RGPD3: variants seen among roughly 807,000 people sequenced by gnomAD.
RGPD3 encodes the protein RANBP2 like and GRIP domain containing 3.
RGPD3 carries 62 observed loss-of-function variants against 154.5 expected under a neutral mutation model. The ratio of observed to expected loss-of-function variants is 0.40; its 90% CI spans 0.33 to 0.50. RGPD3 has a LOEUF of 0.50. Among genes scored for constraint, RGPD3 ranks in the 20% least tolerant of loss-of-function variants. The pLI is 0.59. For missense variants in RGPD3, 919 were observed against 1,716.8 expected (o/e 0.54, Z 8.21); for synonymous variants, 308 against 607.0 (o/e 0.51, Z 7.24).
intron 9 of RGPD3, among the ~76,000 whole-genome samples, chr2:106,438,667 C>T (rs545533475): frequency 5.3e-4 from 81 of 151,812 alleles, no homozygotes; most frequent in Non-Finnish European, 1.0e-3. Flanking sequence ...TTTGTAATCC[C>T]GCTACTTGGG....
At chr2:106,460,337 A>G (rs182230807) in intron 1 of RGPD3, among the ~76,000 whole-genome samples, 85 of 151,994 alleles carry the variant, frequency 5.6e-4, no homozygotes, top group African/African-American at 2.0e-3. Context: ...CATGTGTAAA[A>G]GCCTCTATGG....
At chr2:106,446,264 T>TTA (rs1677922967) in intron 7 of RGPD3, among the ~76,000 whole-genome samples, 1 of 73,408 alleles carries the variant, frequency 1.4e-5, no homozygotes, top group Admixed American at 1.6e-4. Flanking sequence ...GCAGGCTCAT[T>TTA]AAAAAAAAAA....
intron 1 of RGPD3, among the ~76,000 whole-genome samples, chr2:106,462,919 G>A (rs1168849701): frequency 6.7e-6 from 1 of 149,492 alleles, no homozygotes; most frequent in Non-Finnish European, 1.5e-5. Flanking sequence ...TGGAACATAA[G>A]GGTAAGGAAA....
At chr2:106,446,283 A>G (rs1157780283) in intron 7 of RGPD3, among the ~76,000 whole-genome samples, 9 of 145,048 alleles carry the variant, frequency 6.2e-5, no homozygotes, top group Admixed American at 6.2e-4. Flanking sequence ...AAAAAAAAAA[A>G]AGGCTGGGCA....
rs537771180 is a variant in RGPD3, at chr2:106,413,351, C to T, written c.5065-66G>A. 1.4e-4 allele frequency: 223 copies of T among 1,591,718 alleles called. 1 individual carries two copies. In the African/African-American group the frequency reaches 2.6e-3, roughly 18 times the overall value. On this transcript the variant is annotated intron_variant, in intron 21 of 22. Transcript: ENST00000409886. ...TTCTGATTAAATATGGCAGACTGAACTCATGTATTTTTCTTCTCTTCCCCC... is the reference window on the plus strand; with the variant it reads ...TTCTGATTAAATATGGCAGACTGAATTCATGTATTTTTCTTCTCTTCCCCC...
chr2:106,450,786 G>C (rs1339518910), intron 6 of RGPD3, among the ~76,000 whole-genome samples: 1 of 116,294 alleles, frequency 8.6e-6, no homozygotes, highest in African/African-American at 3.3e-5. Context: ...TCAGGAGGCA[G>C]AGACAAGAGA....
At chr2:106,418,423 C>T (rs1676878372) in intron 20 of RGPD3, among the ~76,000 whole-genome samples, 1 of 151,816 alleles carries the variant, frequency 6.6e-6, no homozygotes, top group African/African-American at 2.4e-5. Context: ...TCCTCAATCA[C>T]TGCCCTTATA....
Position 106,436,190 on chromosome 2 carries a change from C to T in RGPD3, c.1691G>A (p.Arg564Lys), listed in dbSNP as rs1313170590. The T allele has an allele frequency of 1.2e-5, 20 of 1,611,800 alleles. No homozygotes were observed. The highest frequency in any genetic ancestry group is 6.7e-5 in the East Asian group (3 of 44,846). The stretch of plus-strand genomic sequence containing the variant: ...TTGAAGGCCATGTTTTTCCTGGGCT[C>T]TTAGAGTGTTTATTTCATGCTGAAC... Reference protein sequence around the residue: ...LLVQHEINTLRAQEKHGLQPA... With the variant: ...LLVQHEINTLKAQEKHGLQPA... The change falls in exon 12 of 23, where the codon AGA (arginine) becomes AAA (lysine). Residue 564 changes from arginine (R) to lysine (K), a missense_variant. By Grantham distance (26) the Arg-to-Lys change is conservative (BLOSUM62 2). Coordinates refer to ENST00000409886, the MANE Select transcript of RGPD3 (RefSeq NM_001144013.2).
At chr2:106,428,956 A>C (rs1021100009) in intron 18 of RGPD3, among the ~76,000 whole-genome samples, 2 of 151,294 alleles carry the variant, frequency 1.3e-5, no homozygotes, top group African/African-American at 2.4e-5. Flanking sequence ...GTAATTAAAT[A>C]AAATTACATT....
Position 106,404,540 on chromosome 2 carries a change from A to T in RGPD3, c.*679T>A. On this transcript the variant is annotated 3_prime_UTR_variant, in exon 23 of 23. Coordinates refer to ENST00000409886, the MANE Select transcript of RGPD3 (RefSeq NM_001144013.2). ...TTTTACCAACAAAGCTTTTTCCTTC[A>T]TATTCTAATCACAAAAATTTCTCAA... 7.7e-6 allele frequency among the ~76,000 whole-genome samples: 1 copy of T among 130,284 alleles called. No homozygotes were observed. 85.5% of individuals were successfully genotyped at this position (130,284 alleles called of 152,430 possible).
rs1461063886 is a variant in RGPD3 at position 106,467,954 on chromosome 2, G to A, written c.72+263C>T. On this transcript the variant is annotated intron_variant, in intron 1 of 22. Coordinates refer to ENST00000409886, the MANE Select transcript of RGPD3 (RefSeq NM_001144013.2). ...GCGCCCGTCGGGAGCCATGACGCCT[G>A]AGCCATCGAGGCCGCCGCAGGGCCA... 1.9e-4 allele frequency among the ~76,000 whole-genome samples: 27 copies of A among 138,762 alleles called. No homozygotes were observed. The East Asian group carries it at 6.4e-3, about 33-fold the overall frequency. 91.0% of individuals were successfully genotyped at this position (138,762 alleles called of 152,430 possible).
upstream of RGPD3, among the ~76,000 whole-genome samples, chr2:106,469,978 C>T (rs1678772838): frequency 6.6e-6 from 1 of 152,160 alleles, no homozygotes; most frequent in African/African-American, 2.4e-5. Context: ...CCTTTAAGAG[C>T]ACATTGGTAA....
At position 106,425,150 on chromosome 2, in the gene RGPD3, C is replaced by T. The variant is rs539346947; in HGVS notation, c.2817G>A (p.Lys939=). The T allele has an allele frequency of 5.9e-5, 95 of 1,611,946 alleles. 1 individual carries two copies. In the East Asian group the frequency reaches 1.8e-3, roughly 31 times the overall value. The change falls in exon 20 of 23, where the codon AAG becomes AAA. Residue 939 remains lysine (K), a synonymous_variant. Transcript: ENST00000409886. ...EPGNQEKKSE[K]PLENDTGLQA... is the part of the protein sequence containing the mutation. ...GTAAGCCAGTATCATTTTCAAGAGG[C>T]TTTTCACTTTTCTTTTCTTGATTTC... is the stretch of plus-strand genomic sequence containing the variant.
intron 1 of RGPD3, among the ~76,000 whole-genome samples, chr2:106,466,235 C>T (rs1490421599): frequency 5.3e-5 from 8 of 152,142 alleles, no homozygotes; most frequent in Non-Finnish European, 1.0e-4. Flanking sequence ...GCGGTCCCCC[C>T]AGGACTCTTC....
chr2:106,432,138 G>C (rs1462786585), intron 17 of RGPD3, among the ~76,000 whole-genome samples: 4 of 148,856 alleles, frequency 2.7e-5, no homozygotes, highest in Non-Finnish European at 4.5e-5. Flanking sequence ...TGAGGAGAGA[G>C]ACACATAAAG....
chr2:106,407,389 AG>A (rs1676547849), intron 22 of RGPD3, among the ~76,000 whole-genome samples: 1 of 152,182 alleles, frequency 6.6e-6, no homozygotes, highest in Non-Finnish European at 1.5e-5. Flanking sequence ...GGAGGCAATG[AG>A]GGCAAAGAAC....
chr2:106,449,591 C>A (rs1415873278), intron 6 of RGPD3, among the ~76,000 whole-genome samples: 1 of 151,686 alleles, frequency 6.6e-6, no homozygotes, highest in Non-Finnish European at 1.5e-5. Context: ...AAATAACCCA[C>A]ATACGGCCGG....
chr2:106,446,560 A>T (rs1573285290), intron 7 of RGPD3, among the ~76,000 whole-genome samples: 1 of 66,636 alleles, frequency 1.5e-5, no homozygotes, highest in Admixed American at 2.1e-4. Context: ...ACAGAGCGAG[A>T]CTCCATCTCA....
At chr2:106,414,426 A>G (rs1676760902) in intron 21 of RGPD3, among the ~76,000 whole-genome samples, 1 of 152,054 alleles carries the variant, frequency 6.6e-6, no homozygotes, top group African/African-American at 2.4e-5. Flanking sequence ...GATTTAGACC[A>G]TCCTGGCCAA....
Sources: allele counts gnomAD v4.1 joint callset (sites outside exome capture counted in the v4.1 genomes callset), GRCh38; gene constraint gnomAD v4.1.1; transcripts MANE v1.5; gene names NCBI Gene and HGNC (gene_info 2026-07-23, HGNC 2026-07-21).